Variants in PLXNB1 observed in about 807,000 individuals in gnomAD.
PLXNB1 encodes plexin-B1.
PLXNB1 carries 106 observed loss-of-function variants against 209.4 expected under a neutral mutation model. That is an observed-to-expected ratio of 0.51 (90% CI 0.43 to 0.59). The LOEUF (loss-of-function observed/expected upper bound fraction) is 0.59, where lower values mean the gene tolerates loss of function less well. Ranked by LOEUF, PLXNB1 falls within the 20% of genes least tolerant of loss-of-function variation. PLXNB1 has a pLI of 0.00. For synonymous variants in PLXNB1, 1,167 were observed against 1,183.2 expected, an observed-to-expected ratio of 0.99 and a Z score of 0.28; for missense variants, 2,357 against 2,853.2, an observed-to-expected ratio of 0.83 and a Z score of 3.96.
At position 48,413,552 on chromosome 3, in the gene PLXNB1, T is replaced by A; in HGVS notation, c.4535+118A>T. On this transcript the variant is annotated intron_variant, in intron 23 of 37. Coordinates refer to ENST00000296440, the MANE Select transcript of PLXNB1 (RefSeq NM_001130082.3). The surrounding 1 kb of genome is among the most constrained non-coding windows in gnomAD (Gnocchi z 5.4). ...GACCACTTGGCCTGCAAAGCGAAAA[T>A]ATTTACTCTCTGGCCATTTACAGAG... 2 of 1,150,278 alleles carry A rather than the reference T, an allele frequency of 1.7e-6. No homozygotes were observed. The highest frequency in any genetic ancestry group is 2.4e-6 in the Non-Finnish European group (2 of 831,322). 71.3% of individuals were successfully genotyped at this position (1,150,278 alleles called of 1,614,324 possible). A position where few individuals can be genotyped will look rare whatever the true frequency, so the allele number is the denominator to read the frequency against.
chr3:48,410,556 A>C lies in PLXNB1; in HGVS notation c.5419T>G (p.Trp1807Gly), dbSNP rs2037611651. The change falls in exon 30 of 38, where the codon TGG (tryptophan) becomes GGG (glycine). Residue 1807 changes from tryptophan to glycine, a missense_variant and splice_region_variant. By Grantham distance (184) the Trp-to-Gly change is radical (BLOSUM62 -2). Transcript: ENST00000296440. The surrounding 1 kb of genome is among the most constrained non-coding windows in gnomAD (Gnocchi z 6.4). ...AGGTGCCCGGCCACCCCAGACCGCC[A>C]CTCTGCAAGGGCAAGGCAGAACTGG... ...RPDPRTLDVE[W>G]RSGVAGHLIL... The C allele has an allele frequency of 6.2e-7, 1 of 1,612,746 alleles. No individual in the cohort carries two copies. The highest frequency in any genetic ancestry group is 1.7e-5 in the Admixed American group (1 of 60,000).
At position 48,424,534 on chromosome 3, in the gene PLXNB1, A is replaced by G. The variant is rs867607361; in HGVS notation, c.78T>C (p.Thr26=). Residue 26 remains threonine (T), a synonymous_variant, in exon 3 of 38, where the codon ACT becomes ACC. Coordinates refer to ENST00000296440, the MANE Select transcript of PLXNB1 (RefSeq NM_001130082.3). ...WVLTLQPLPP[T]AFTPNGTYLQ... ...GATACGTGCCATTGGGAGTGAATGC[A>G]GTTGGTGGAAGGGGCTGGAGGGTGA... 8 of 1,587,802 alleles carry G rather than the reference A, an allele frequency of 5.0e-6. No homozygotes were observed. In the Middle Eastern group the frequency reaches 1.3e-3, roughly 263 times the overall value.
chr3:48,409,790 G>C lies in PLXNB1; in HGVS notation c.5779-59C>G. ...GCAAAGGGCCCTCAGCAGCAGCCCA[G>C]CCTCAGACACCCCCCGGCACTGTGC... On this transcript the variant is annotated intron_variant, in intron 32 of 37. Coordinates refer to ENST00000296440, the MANE Select transcript of PLXNB1 (RefSeq NM_001130082.3). The surrounding 1 kb of genome is among the most constrained non-coding windows in gnomAD (Gnocchi z 5.8). The C allele has an allele frequency of 6.3e-7, 1 of 1,589,676 alleles. No individual in the cohort carries two copies. The highest frequency in any genetic ancestry group is 1.1e-5 in the South Asian group (1 of 88,072).
intron 1 of PLXNB1, among the ~76,000 whole-genome samples, chr3:48,426,046 C>T (rs2038875108): frequency 6.6e-6 from 1 of 152,144 alleles, no homozygotes; most frequent in Non-Finnish European, 1.5e-5. Context: ...CAGGCACACT[C>T]CCCTCGTTTG....
Position 48,423,864 on chromosome 3 carries a change from G to C in PLXNB1, c.748C>G (p.Arg250Gly). Residue 250 changes from arginine to glycine, a missense_variant, in exon 3 of 38, where the codon CGA becomes GGA. Transcript: ENST00000296440. ...TAGTGCTGGTCCCGGAGACACACTC[G>C]AGATACATAGGCACGAAAAGCTCTA... Reference protein sequence around the residue: ...QSRAFRAYVSRVCLRDQHYYS... With the variant: ...QSRAFRAYVSGVCLRDQHYYS... 1 of 1,614,034 alleles carries C rather than the reference G, an allele frequency of 6.2e-7. No homozygotes were observed. Among genetic ancestry groups the C allele is most frequent in the Non-Finnish European group, 8.5e-7 (1 of 1,180,014 alleles).
rs746682218 is a variant in PLXNB1, at chr3:48,416,499, C to T, written c.3375-48G>A. 18 of 1,347,432 alleles carry T rather than the reference C, an allele frequency of 1.3e-5. No individual in the cohort carries two copies. Among genetic ancestry groups the T allele is most frequent in the Admixed American group, 1.9e-5 (1 of 52,652 alleles). 83.5% of individuals were successfully genotyped at this position (1,347,432 alleles called of 1,614,324 possible). A position where few individuals can be genotyped will look rare whatever the true frequency, so the allele number is the denominator to read the frequency against. Reference sequence around the variant, plus strand: ...GGGGTGCCAGGCTGCATCAAGGGCCCCTCAAGCTTACCTGGCAGCCCCTCT... The same window carrying T: ...GGGGTGCCAGGCTGCATCAAGGGCCTCTCAAGCTTACCTGGCAGCCCCTCT... On this transcript the variant is annotated intron_variant, in intron 16 of 37. Transcript: ENST00000296440. The surrounding 1 kb of genome is among the most constrained non-coding windows in gnomAD (Gnocchi z 4.1).
chr3:48,407,223 C>T, intron 34 of PLXNB1, 132 bp from the exon 35 acceptor site: 1 of 797,076 alleles, frequency 1.3e-6, no homozygotes, highest in Non-Finnish European at 2.0e-6. Flanking sequence ...CCCAGGAAGC[C>T]CCTGAGTCCC....
intron 6 of PLXNB1, 110 bp downstream of exon 6, chr3:48,421,995 G>A: frequency 7.8e-7 from 1 of 1,288,220 alleles, no homozygotes; most frequent in South Asian, 1.3e-5. Context: ...GGGTGTCTGG[G>A]GATCAGGGGT....
chr3:48,407,983 G>C (rs941106844), intron 34 of PLXNB1, among the ~76,000 whole-genome samples: 2 of 152,182 alleles, frequency 1.3e-5, no homozygotes, highest in African/African-American at 4.8e-5. Flanking sequence ...AAAAGACAGT[G>C]CTACAATTTT....
Position 48,406,559 on chromosome 3 carries a change from C to T in PLXNB1, c.6228+264G>A. ...GACCCAGGCAGGCCTGGGGCTGAAT[C>T]CCAGCTACCTTGCAAGAGCCTGGCT... On this transcript the variant is annotated intron_variant, in intron 36 of 37. Transcript: ENST00000296440. This position sits in a 1 kb window ranked among gnomAD's most constrained non-coding sequence, Gnocchi z 4.4. 1 of 985,370 alleles carries T rather than the reference C, an allele frequency of 1.0e-6. No homozygotes were observed. The highest frequency in any genetic ancestry group is 1.2e-6 in the Non-Finnish European group (1 of 829,900). The allele number at this position is 985,370 out of a possible 1,614,324, so 61.0% of individuals were successfully genotyped here. A position where few individuals can be genotyped will look rare whatever the true frequency, so the allele number is the denominator to read the frequency against.
rs1398779560 is a variant in PLXNB1, at chr3:48,411,804, C to T, written c.5247+59G>A. On this transcript the variant is annotated intron_variant, in intron 28 of 37. Coordinates refer to ENST00000296440, the MANE Select transcript of PLXNB1 (RefSeq NM_001130082.3). This position sits in a 1 kb window ranked among gnomAD's most constrained non-coding sequence, Gnocchi z 4.0. ...TGTCCAGACCCCACACACCCACACA[C>T]TCTCCACCCTCGCCCTCACCGCACT... 1 of 1,581,702 alleles carries T rather than the reference C, an allele frequency of 6.3e-7. No individual in the cohort carries two copies. The highest frequency in any genetic ancestry group is 1.3e-5 in the African/African-American group (1 of 74,682).
chr3:48,412,104 G>C (rs755972401), intron 27 of PLXNB1, 95 bp from the exon 28 acceptor site: 6 of 1,494,896 alleles, frequency 4.0e-6, no homozygotes, highest in Non-Finnish European at 4.6e-6. Flanking sequence ...ATGGGCTTAA[G>C]GGGACTGAGG....
rs2106689681 is a variant in PLXNB1 at position 48,404,282 on chromosome 3, G to C, written c.*204C>G. ...TCGCTGGACTCGGGGAGCAGGCTGGGTACTACCCCATGAGCCTTGAGGCCC... is the reference window on the plus strand; with the variant it reads ...TCGCTGGACTCGGGGAGCAGGCTGGCTACTACCCCATGAGCCTTGAGGCCC... On this transcript the variant is annotated 3_prime_UTR_variant, in exon 38 of 38. Coordinates refer to ENST00000296440, the MANE Select transcript of PLXNB1 (RefSeq NM_001130082.3). 1.7e-6 allele frequency: 1 copy of C among 572,440 alleles called. No homozygotes were observed. The highest frequency in any genetic ancestry group is 2.9e-5 in the East Asian group (1 of 34,464). 35.5% of individuals were successfully genotyped at this position (572,440 alleles called of 1,614,324 possible). A position where few individuals can be genotyped will look rare whatever the true frequency, so the allele number is the denominator to read the frequency against.
Position 48,419,541 on chromosome 3 carries a change from C to G in PLXNB1, c.2709+36G>C. ...TAGGGGTAGCATCTTCCCCACATCC[C>G]CTCCCCTGAGGCCTCCTTCCTGGGC... is the stretch of plus-strand genomic sequence containing the variant. On this transcript the variant is annotated intron_variant, in intron 11 of 37. Coordinates refer to ENST00000296440, the MANE Select transcript of PLXNB1 (RefSeq NM_001130082.3). The surrounding 1 kb of genome is among the most constrained non-coding windows in gnomAD (Gnocchi z 5.7). 6 of 1,571,238 alleles carry G rather than the reference C, an allele frequency of 3.8e-6. No individual in the cohort carries two copies. The highest frequency in any genetic ancestry group is 5.2e-6 in the Non-Finnish European group (6 of 1,151,354).
rs762871048 is a variant in PLXNB1, at chr3:48,421,668, A to G, written c.1653+6T>C. The G allele has an allele frequency of 1.3e-6, 2 of 1,592,254 alleles. No homozygotes were observed. Among genetic ancestry groups the G allele is most frequent in the South Asian group, 2.2e-5 (2 of 90,376 alleles). On this transcript the variant is annotated splice_donor_region_variant and intron_variant, in intron 7 of 37. Coordinates refer to ENST00000296440, the MANE Select transcript of PLXNB1 (RefSeq NM_001130082.3). ...CCACCAGGGCCCTGCCTATCTGATC[A>G]TTCACCTCCCTCGTCTCCTCTCGGC...
At position 48,410,176 on chromosome 3, in the gene PLXNB1, AG is replaced by A; in HGVS notation, c.5606-100del. Reference sequence around the variant, plus strand: ...TCCCAGGGGTGGGGGCACCTGGTTGAGGGATTTCCTGGGCCGAATGGAAATA... The same window carrying A: ...TCCCAGGGGTGGGGGCACCTGGTTGAGGATTTCCTGGGCCGAATGGAAATA... On this transcript the variant is annotated intron_variant, in intron 31 of 37. Transcript: ENST00000296440. The surrounding 1 kb of genome is among the most constrained non-coding windows in gnomAD (Gnocchi z 6.4). 6.8e-7 allele frequency: 1 copy of A among 1,472,072 alleles called. No homozygotes were observed. 91.2% of individuals were successfully genotyped at this position (1,472,072 alleles called of 1,614,324 possible). A position where few individuals can be genotyped will look rare whatever the true frequency, so the allele number is the denominator to read the frequency against.
At chr3:48,421,172 C>T (rs560321101) in intron 8 of PLXNB1, 56 bp downstream of exon 8, 28 of 1,572,772 alleles carry the variant, frequency 1.8e-5, no homozygotes, top group Admixed American at 9.1e-5. Context: ...TTAACCCCAC[C>T]GCATCCCCTG....
chr3:48,421,379 GA>G lies in PLXNB1; in HGVS notation c.1658del (p.Phe553SerfsTer29). On this transcript the variant is annotated frameshift_variant, in exon 8 of 38. Coordinates refer to ENST00000296440, the MANE Select transcript of PLXNB1 (RefSeq NM_001130082.3). LOFTEE classifies it high-confidence loss of function. Reference protein sequence around the residue: ...NISREETREVFLSVPDLPPLW... With the variant: ...NISREETREVXLSVPDLPPLW... ...GGGGTGGCAGGTCTGGCACTGATAG[GA>G]AAACCTGCCAAGAGAGCCAGGGACA... The G allele has an allele frequency of 6.5e-7, 1 of 1,528,660 alleles. No individual in the cohort carries two copies. Among genetic ancestry groups the G allele is most frequent in the Admixed American group, 2.1e-5 (1 of 47,998 alleles). The allele number at this position is 1,528,660 out of a possible 1,614,324, so 94.7% of individuals were successfully genotyped here.
chr3:48,413,360 CTAGCCCAGCACAGTT>C lies in PLXNB1; in HGVS notation c.4536-206_4536-192del, dbSNP rs1219929311. On this transcript the variant is annotated intron_variant, in intron 23 of 37. Coordinates refer to ENST00000296440, the MANE Select transcript of PLXNB1 (RefSeq NM_001130082.3). The surrounding 1 kb of genome is among the most constrained non-coding windows in gnomAD (Gnocchi z 5.4). ...CAAGTCACACACACCCATGCCCCGT[CTAGCCCAGCACAGTT>C]TAGCCTAGAGATCAGCCAACCACAA... is the stretch of plus-strand genomic sequence containing the variant. 1.6e-6 allele frequency: 1 copy of C among 617,566 alleles called. No homozygotes were observed. The highest frequency in any genetic ancestry group is 2.9e-6 in the Non-Finnish European group (1 of 349,192). 38.3% of individuals were successfully genotyped at this position (617,566 alleles called of 1,614,324 possible).
Sources: gnomAD v4.1 joint callset for allele counts (sites outside exome capture counted in the v4.1 genomes callset) on GRCh38, gnomAD v4.1.1 for gene constraint, Gnocchi (gnomAD v3.1) non-coding constraint, MANE v1.5 for transcripts, NCBI Gene and HGNC (gene_info 2026-07-23, HGNC 2026-07-21) for gene names.